The following PTPRN2 variants were observed in gnomAD, a reference collection of about 807,000 sequenced individuals.
The protein encoded by PTPRN2 is protein tyrosine phosphatase receptor type N2.
PTPRN2 carries 74 observed loss-of-function variants against 118.8 expected under a neutral mutation model. The observed-to-expected ratio is 0.62, with a 90% CI of 0.52 to 0.76. PTPRN2 has a LOEUF of 0.76. Among genes scored for constraint, PTPRN2 ranks in the 30% least tolerant of loss-of-function variants. The pLI is 0.00. For synonymous variants in PTPRN2, 641 were observed against 608.0 expected, an observed-to-expected ratio of 1.05 and a Z score of -0.80; for missense variants, 1,481 against 1,394.4, an observed-to-expected ratio of 1.06 and a Z score of -0.99.
At chr7:157,648,511 G>A (rs371917323) in intron 14 of PTPRN2, among the ~76,000 whole-genome samples, 44 of 107,858 alleles carry the variant, frequency 4.1e-4, no homozygotes, top group East Asian at 1.4e-3. Flanking sequence ...CCCATCCAGC[G>A]TGCACTGAAC....
chr7:157,697,981 C>T (rs1174488226), intron 12 of PTPRN2, among the ~76,000 whole-genome samples: 2 of 151,950 alleles, frequency 1.3e-5, no homozygotes, highest in African/African-American at 4.8e-5. Flanking sequence ...AGAGCCCTCA[C>T]CATCTACCCA....
chr7:158,243,587 G>C (rs927573780), intron 3 of PTPRN2, among the ~76,000 whole-genome samples: 1 of 152,196 alleles, frequency 6.6e-6, no homozygotes, highest in Non-Finnish European at 1.5e-5. Context: ...AGTTGGCCAG[G>C]AGCTGCAGGA....
At position 158,134,104 on chromosome 7, in the gene PTPRN2, C is replaced by T; in HGVS notation, c.1174-45G>A. ...GTGAGGGACGTCTGCGAAAGGAATG[C>T]TGATGTGACACATGCAATCAAGGGC... On this transcript the variant is annotated intron_variant, in intron 8 of 22. Transcript: ENST00000389418. The T allele has an allele frequency of 1.9e-6, 3 of 1,578,374 alleles. No individual in the cohort carries two copies. The South Asian group carries it at 3.5e-5, about 19-fold the overall frequency.
chr7:157,742,292 G>A (rs1392344135), intron 12 of PTPRN2, among the ~76,000 whole-genome samples: 1 of 152,220 alleles, frequency 6.6e-6, no homozygotes, highest in Non-Finnish European at 1.5e-5. Flanking sequence ...TTTTAAACAG[G>A]TGACTGGGGT....
At chr7:158,162,725 G>A (rs920889730) in intron 6 of PTPRN2, among the ~76,000 whole-genome samples, 3 of 152,056 alleles carry the variant, frequency 2.0e-5, no homozygotes, top group African/African-American at 7.2e-5. Flanking sequence ...TTTGAAAGGA[G>A]ACCAGATGTG....
chr7:157,998,313 G>T (rs1180659104), intron 11 of PTPRN2, among the ~76,000 whole-genome samples: 1 of 152,180 alleles, frequency 6.6e-6, no homozygotes, highest in Non-Finnish European at 1.5e-5. Context: ...AATAATTAAA[G>T]AATTAAAACA....
chr7:158,208,682 T>C (rs964680226), intron 3 of PTPRN2, among the ~76,000 whole-genome samples: 2 of 152,174 alleles, frequency 1.3e-5, no homozygotes, highest in African/African-American at 4.8e-5. Flanking sequence ...TAAAAGAATG[T>C]TAGTGAGCAG....
chr7:157,720,450 A>G (rs1042080234), intron 12 of PTPRN2, among the ~76,000 whole-genome samples: 1 of 152,228 alleles, frequency 6.6e-6, no homozygotes, highest in Non-Finnish European at 1.5e-5. Flanking sequence ...CCACAGGACA[A>G]AGCCTTGTTG....
chr7:158,013,757 A>C (rs1462831913), intron 11 of PTPRN2, among the ~76,000 whole-genome samples: 21 of 61,484 alleles, frequency 3.4e-4, no homozygotes, highest in Admixed American at 5.6e-4. Context: ...CCATCCATCC[A>C]TCCACTCATC....
intron 12 of PTPRN2, among the ~76,000 whole-genome samples, chr7:157,834,633 G>A (rs1295240058): frequency 1.3e-5 from 2 of 152,270 alleles, no homozygotes; most frequent in African/African-American, 2.4e-5. Flanking sequence ...CAGGGCGAGC[G>A]GGCGGCTCCA....
chr7:157,904,086 T>G (rs1432498038), intron 11 of PTPRN2, among the ~76,000 whole-genome samples: 2 of 152,198 alleles, frequency 1.3e-5, no homozygotes, highest in African/African-American at 2.4e-5. Context: ...TGCTATTAAC[T>G]CGCCGATCAG....
intron 5 of PTPRN2, among the ~76,000 whole-genome samples, chr7:158,178,330 T>G (rs1407558498): frequency 6.6e-6 from 1 of 152,054 alleles, no homozygotes; most frequent in African/African-American, 2.4e-5. Flanking sequence ...AATATGTAGG[T>G]TTTTTTATCC....
chr7:158,269,443 C>T (rs1798147402), intron 3 of PTPRN2, among the ~76,000 whole-genome samples: 1 of 152,236 alleles, frequency 6.6e-6, no homozygotes, highest in African/African-American at 2.4e-5. Flanking sequence ...GTCCCCGGGG[C>T]ATACCTGCAG....
chr7:158,533,087 G>T (rs894966134), intron 1 of PTPRN2, among the ~76,000 whole-genome samples: 1 of 152,190 alleles, frequency 6.6e-6, no homozygotes, highest in African/African-American at 2.4e-5. Context: ...TTAATAACTC[G>T]CAAAGAATTA....
intron 6 of PTPRN2, among the ~76,000 whole-genome samples, chr7:158,152,140 C>T (rs1399803566): frequency 7.5e-5 from 11 of 145,998 alleles, no homozygotes; most frequent in African/African-American, 5.1e-5. Context: ...CGCCACTGCA[C>T]TCCAGCCTGG....
intron 7 of PTPRN2, 90 bp downstream of exon 7, chr7:158,138,204 C>T (rs1819016015): frequency 2.6e-6 from 3 of 1,150,178 alleles, no homozygotes; most frequent in South Asian, 1.5e-5. Flanking sequence ...GCCCACATTG[C>T]ACTTGGTGAG....
At chr7:158,444,779 A>C (rs1384313446) in intron 2 of PTPRN2, among the ~76,000 whole-genome samples, 1 of 152,110 alleles carries the variant, frequency 6.6e-6, no homozygotes, top group Non-Finnish European at 1.5e-5. Context: ...GGCCTGCGTC[A>C]CATGCACAGA....
At chr7:158,367,591 G>A (rs186206387) in intron 2 of PTPRN2, among the ~76,000 whole-genome samples, 5 of 152,154 alleles carry the variant, frequency 3.3e-5, no homozygotes, top group African/African-American at 4.8e-5. Context: ...AGCTCTCCGC[G>A]GGCGAAGGAT....
At chr7:158,268,538 G>C (rs564325510) in intron 3 of PTPRN2, among the ~76,000 whole-genome samples, 1 of 127,946 alleles carries the variant, frequency 7.8e-6, no homozygotes, top group Non-Finnish European at 1.6e-5. Context: ...CCAGCCACAC[G>C]CACACAGGGC....
Sources: gnomAD v4.1 joint callset for allele counts (sites outside exome capture counted in the v4.1 genomes callset) on GRCh38, gnomAD v4.1.1 for gene constraint, MANE v1.5 for transcripts, NCBI Gene and HGNC (gene_info 2026-07-23, HGNC 2026-07-21) for gene names.